Variants in C2orf92 observed in about 807,000 individuals in gnomAD.
The protein encoded by C2orf92 is chromosome 2 open reading frame 92, also known as uncharacterized protein C2orf92.
chr2:97,697,070 C>T (rs1358803571), intron 5 of C2orf92, among the ~76,000 whole-genome samples: 2 of 152,200 alleles, frequency 1.3e-5, no homozygotes, highest in African/African-American at 4.8e-5. Flanking sequence ...TTACCAAGCC[C>T]AGCACATGCT....
At chr2:97,679,769 G>A (rs1250178129) in intron 3 of C2orf92, among the ~76,000 whole-genome samples, 2 of 149,860 alleles carry the variant, frequency 1.3e-5, no homozygotes, top group Non-Finnish European at 3.0e-5. Flanking sequence ...CCCAGGAGGC[G>A]GAGGTTGCCG....
chr2:97,690,724 T>C (rs745932366), intron 5 of C2orf92, among the ~76,000 whole-genome samples: 36 of 150,692 alleles, frequency 2.4e-4, no homozygotes, highest in Non-Finnish European at 4.3e-4. Context: ...GCTGAGGGTC[T>C]GGCAGATGGT....
chr2:97,695,868 C>T (rs532527897), intron 5 of C2orf92, among the ~76,000 whole-genome samples: 1 of 152,296 alleles, frequency 6.6e-6, no homozygotes, highest in South Asian at 2.1e-4. Flanking sequence ...TCTCCTGTCT[C>T]AGCCTCCTGA....
intron 3 of C2orf92, among the ~76,000 whole-genome samples, chr2:97,687,427 C>A (rs558441508): frequency 5.9e-5 from 9 of 152,222 alleles, no homozygotes; most frequent in South Asian, 4.2e-4. Context: ...CCACCACCAC[C>A]ACAACAAAGC....
chr2:97,701,107 G>A, intron 6 of C2orf92, 47 bp from the exon 7 acceptor site: 1 of 398,096 alleles, frequency 2.5e-6, no homozygotes, highest in Non-Finnish European at 4.4e-6. Flanking sequence ...GTTGTGGGTA[G>A]CCCGGTGGGT....
chr2:97,682,565 G>T (rs1415996777), intron 3 of C2orf92, among the ~76,000 whole-genome samples: 1 of 151,948 alleles, frequency 6.6e-6, no homozygotes, highest in Admixed American at 6.6e-5. Context: ...ATCCTCAACA[G>T]AACATTAGCA....
chr2:97,686,754 G>A (rs962144695), intron 3 of C2orf92, among the ~76,000 whole-genome samples: 1 of 151,600 alleles, frequency 6.6e-6, no homozygotes, highest in African/African-American at 2.4e-5. Context: ...GAAGCCGAGC[G>A]CCTCAGTCCC....
chr2:97,683,904 T>TGGAGTGCA (rs1249020223), intron 3 of C2orf92, among the ~76,000 whole-genome samples: 2 of 152,074 alleles, frequency 1.3e-5, no homozygotes, highest in Non-Finnish European at 2.9e-5. Flanking sequence ...TCGCCCAGGC[T>TGGAGTGCA]GGAGTGCAGG....
intron 3 of C2orf92, among the ~76,000 whole-genome samples, chr2:97,683,018 A>C (rs1675827931): frequency 6.6e-6 from 1 of 151,918 alleles, no homozygotes; most frequent in African/African-American, 2.4e-5. Context: ...AAAGGAAGAA[A>C]TAAAATTATC....
intron 7 of C2orf92, among the ~76,000 whole-genome samples, chr2:97,701,789 ATCT>A (rs1478021202): frequency 1.3e-5 from 2 of 152,134 alleles, no homozygotes; most frequent in Non-Finnish European, 2.9e-5. Context: ...TGACCTCCTG[ATCT>A]TCTCCGTGAT....
At chr2:97,689,460 C>A (rs1420434526) in intron 4 of C2orf92, among the ~76,000 whole-genome samples, 2 of 152,212 alleles carry the variant, frequency 1.3e-5, no homozygotes, top group East Asian at 1.9e-4. Context: ...TAAGCACACC[C>A]ATAGAAATGA....
intron 3 of C2orf92, among the ~76,000 whole-genome samples, chr2:97,682,010 G>A (rs959520732): frequency 6.6e-6 from 1 of 152,082 alleles, no homozygotes; most frequent in African/African-American, 2.4e-5. Flanking sequence ...AACAATAGAA[G>A]AGAACTGATG....
upstream of C2orf92, chr2:97,669,489 T>C: frequency 3.5e-6 from 1 of 282,346 alleles, no homozygotes; most frequent in African/African-American, 2.2e-5. Flanking sequence ...TTATCACTTG[T>C]GACTTCAGAG....
rs971562017 is a variant in C2orf92, at chr2:97,669,782, G to A, written c.-7G>A. On this transcript the variant is annotated 5_prime_UTR_variant, in exon 1 of 8. Transcript: ENST00000627399. The stretch of plus-strand genomic sequence containing the variant: ...TTCTCCATGATGGTTTATGGACTAA[G>A]GCAAAGATGAGCAGAGCCATGGCCC... The A allele has an allele frequency of 7.5e-6, 3 of 398,690 alleles. No individual in the cohort carries two copies. The highest frequency in any genetic ancestry group is 1.3e-5 in the Non-Finnish European group (3 of 226,102). 24.7% of individuals were successfully genotyped at this position (398,690 alleles called of 1,614,324 possible).
upstream of C2orf92, chr2:97,665,845 T>C (rs1340308819): frequency 2.0e-5 from 3 of 151,018 alleles, no homozygotes; most frequent in East Asian, 2.0e-4. Context: ...TTGCCTGATA[T>C]CAGCTCACTG....
chr2:97,700,740 T>C lies in C2orf92; in HGVS notation c.515-414T>C, dbSNP rs1203949066. Among the ~76,000 whole-genome samples the C allele has an allele frequency of 6.6e-5, 10 of 151,642 alleles. No homozygotes were observed. The East Asian group carries it at 1.2e-3, about 18-fold the overall frequency. On this transcript the variant is annotated intron_variant, in intron 6 of 7. Coordinates refer to ENST00000627399, the MANE Select transcript of C2orf92 (RefSeq NM_001351368.2). Reference sequence around the variant, plus strand: ...ATGCCAAGGTTTTTTGTTTTTTTTTTTGAGATGGAGTCTCACTCTTTTGCC... The same window carrying C: ...ATGCCAAGGTTTTTTGTTTTTTTTTCTGAGATGGAGTCTCACTCTTTTGCC...
At chr2:97,674,956 C>T (rs189955809) in intron 2 of C2orf92, among the ~76,000 whole-genome samples, 7 of 152,240 alleles carry the variant, frequency 4.6e-5, no homozygotes, top group East Asian at 1.9e-4. Context: ...CCCAAGTCAC[C>T]GGCTTGGGAG....
chr2:97,671,334 C>CGG lies in C2orf92; in HGVS notation c.46+1504_46+1505dup, dbSNP rs34273386. 6.6e-3 allele frequency: 2,575 copies of CGG among 391,154 alleles called. 51 individuals are homozygous for CGG. Among genetic ancestry groups the CGG allele is most frequent in the African/African-American group, 0.043 (2,081 of 48,266 alleles). The allele number at this position is 391,154 out of a possible 1,614,324, so 24.2% of individuals were successfully genotyped here. A position where few individuals can be genotyped will look rare whatever the true frequency, so the allele number is the denominator to read the frequency against. Reference sequence around the variant, plus strand: ...AATTAATTTTTATTTTTTGTAGAGTCGGGGGTCTCCCTATGTTTCCCAGGC... The same window carrying CGG: ...AATTAATTTTTATTTTTTGTAGAGTCGGGGGGGTCTCCCTATGTTTCCCAGGC... On this transcript the variant is annotated intron_variant, in intron 1 of 7. Transcript: ENST00000627399.
At chr2:97,687,805 G>C (rs1021275703) in intron 3 of C2orf92, among the ~76,000 whole-genome samples, 3 of 150,390 alleles carry the variant, frequency 2.0e-5, no homozygotes, top group Admixed American at 1.3e-4. Flanking sequence ...CAGAGGCCTC[G>C]GGCAGTCTGC....
Sources: gnomAD v4.1 joint callset for allele counts (sites outside exome capture counted in the v4.1 genomes callset) on GRCh38, gnomAD v4.1.1 for gene constraint, MANE v1.5 for transcripts, NCBI Gene and HGNC (gene_info 2026-07-23, HGNC 2026-07-21) for gene names.